HS2ST1: variants seen among roughly 807,000 people sequenced by gnomAD.
The protein encoded by HS2ST1 is heparan sulfate 2-O-sulfotransferase 1, also known as 2-O-sulfotransferase.
A neutral mutation model predicts 42.9 loss-of-function variants in HS2ST1; 18 were observed. That is an observed-to-expected ratio of 0.42 (90% CI 0.29 to 0.62). The LOEUF (loss-of-function observed/expected upper bound fraction) is 0.62. Ranked by LOEUF, HS2ST1 falls within the 20% of genes least tolerant of loss-of-function variation. The pLI, the probability that HS2ST1 is intolerant of heterozygous loss-of-function variation, is 0.21. For synonymous variants in HS2ST1, 146 were observed against 152.9 expected, an observed-to-expected ratio of 0.95 and a Z score of 0.33; for missense variants, 334 against 433.8, an observed-to-expected ratio of 0.77 and a Z score of 2.04.
intron 5 of HS2ST1, chr1:87,098,362 C>T: frequency 5.1e-6 from 5 of 976,830 alleles, no homozygotes; most frequent in Non-Finnish European, 6.1e-6. Context: ...TAAGAGAAGC[C>T]AAGGTTATGG....
rs1650985791 is a variant in HS2ST1, at chr1:87,056,930, T to G, written c.125-16004T>G. On this transcript the variant is annotated intron_variant, in intron 1 of 6. Coordinates refer to ENST00000370550, the MANE Select transcript of HS2ST1 (RefSeq NM_012262.4). Reference sequence around the variant, plus strand: ...GTTTTAGTGTAGAATTGAAAAAGAATATTTCCAATTATTTGAAAAGGCTAC... The same window carrying G: ...GTTTTAGTGTAGAATTGAAAAAGAAGATTTCCAATTATTTGAAAAGGCTAC... 2.0e-5 allele frequency among the ~76,000 whole-genome samples: 3 copies of G among 152,148 alleles called. No homozygotes were observed. The South Asian group carries it at 6.2e-4, about 32-fold the overall frequency.
At chr1:87,032,431 CT>C (rs1281942444) in intron 1 of HS2ST1, among the ~76,000 whole-genome samples, 1 of 152,114 alleles carries the variant, frequency 6.6e-6, no homozygotes, top group Non-Finnish European at 1.5e-5. Flanking sequence ...GAATATTATA[CT>C]GCTGATTTAA....
chr1:86,941,359 G>C (rs974459907), intron 1 of HS2ST1, among the ~76,000 whole-genome samples: 1 of 147,602 alleles, frequency 6.8e-6, no homozygotes, highest in Admixed American at 6.6e-5. Flanking sequence ...TTGGGGAGGG[G>C]CTGCCAGGTT....
At chr1:87,016,602 A>G (rs943111939) in intron 1 of HS2ST1, among the ~76,000 whole-genome samples, 7 of 152,190 alleles carry the variant, frequency 4.6e-5, no homozygotes, top group Non-Finnish European at 1.0e-4. Flanking sequence ...GTAACTGGTA[A>G]ATAAGGGAAT....
intron 1 of HS2ST1, 140 bp downstream of exon 1, chr1:86,915,300 G>A: frequency 1.1e-6 from 1 of 926,296 alleles, no homozygotes; most frequent in Non-Finnish European, 1.6e-6. Flanking sequence ...GGAACAAGGG[G>A]CAGCGAGAGC....
intron 1 of HS2ST1, chr1:87,045,931 G>T: frequency 1.4e-6 from 1 of 705,000 alleles, no homozygotes; most frequent in South Asian, 1.3e-5. Flanking sequence ...CGACCTGATT[G>T]ATCTGGTTAC....
intron 1 of HS2ST1, chr1:86,956,657 A>T (rs897477761): frequency 6.6e-6 from 1 of 151,878 alleles, no homozygotes; most frequent in Non-Finnish European, 1.5e-5. Flanking sequence ...TCCTACCTTG[A>T]TTTTATGTTA....
chr1:87,039,030 T>C (rs1263946487), intron 1 of HS2ST1, among the ~76,000 whole-genome samples: 1 of 152,130 alleles, frequency 6.6e-6, no homozygotes, highest in African/African-American at 2.4e-5. Flanking sequence ...AAAACAATCA[T>C]GAGCCAAATG....
chr1:87,058,975 C>T (rs889865360), intron 1 of HS2ST1, among the ~76,000 whole-genome samples: 4 of 152,030 alleles, frequency 2.6e-5, no homozygotes, highest in African/African-American at 9.7e-5. Flanking sequence ...AGGAGAATGG[C>T]GTGAACCCAG....
intron 1 of HS2ST1, among the ~76,000 whole-genome samples, chr1:87,003,709 C>CT (rs5775929): frequency 2.0e-5 from 3 of 151,508 alleles, no homozygotes; most frequent in African/African-American, 7.3e-5. Context: ...GATGTACAGA[C>CT]TTTTTTTTTT....
intron 1 of HS2ST1, among the ~76,000 whole-genome samples, chr1:87,029,037 AT>A (rs1448751332): frequency 1.1e-4 from 16 of 152,142 alleles, no homozygotes; most frequent in Non-Finnish European, 2.1e-4. Flanking sequence ...TTATCTTAAT[AT>A]TTTAATAAAT....
chr1:86,968,695 A>G (rs1218085267), intron 1 of HS2ST1, among the ~76,000 whole-genome samples: 4 of 152,034 alleles, frequency 2.6e-5, no homozygotes, highest in Non-Finnish European at 4.4e-5. Context: ...ATGAGCCAGC[A>G]CACCCAGCCT....
intron 1 of HS2ST1, among the ~76,000 whole-genome samples, chr1:86,994,390 C>T (rs747971593): frequency 9.9e-5 from 15 of 152,134 alleles, no homozygotes; most frequent in Non-Finnish European, 1.6e-4. Flanking sequence ...TGAAGTTTCT[C>T]TTAACTTCAT....
chr1:86,940,203 G>A (rs534559527), intron 1 of HS2ST1, among the ~76,000 whole-genome samples: 83 of 151,990 alleles, frequency 5.5e-4, no homozygotes, highest in African/African-American at 1.9e-3. Flanking sequence ...GAGATTCCCC[G>A]TCTCTACAAA....
At chr1:86,983,745 A>T (rs1648668589) in intron 1 of HS2ST1, among the ~76,000 whole-genome samples, 1 of 152,014 alleles carries the variant, frequency 6.6e-6, no homozygotes, top group Non-Finnish European at 1.5e-5. Context: ...ATTTAAAAAA[A>T]AAAAAAATTT....
intron 2 of HS2ST1, among the ~76,000 whole-genome samples, chr1:87,074,495 T>G (rs1436678061): frequency 6.6e-6 from 1 of 152,228 alleles, no homozygotes; most frequent in East Asian, 1.9e-4. Flanking sequence ...TTAATTTGTT[T>G]GTTCAGCATT....
At chr1:87,079,548 C>A (rs1651631910) in intron 2 of HS2ST1, among the ~76,000 whole-genome samples, 1 of 152,162 alleles carries the variant, frequency 6.6e-6, no homozygotes, top group Non-Finnish European at 1.5e-5. Flanking sequence ...AGAAGGTAAA[C>A]CTCAGTTCAG....
At chr1:86,973,103 G>T (rs1376947748) in intron 1 of HS2ST1, among the ~76,000 whole-genome samples, 2 of 152,100 alleles carry the variant, frequency 1.3e-5, no homozygotes, top group Non-Finnish European at 2.9e-5. Flanking sequence ...CCACTGTAAA[G>T]CTATCTTTCC....
intron 3 of HS2ST1, among the ~76,000 whole-genome samples, chr1:87,085,402 T>G (rs1392821640): frequency 6.6e-6 from 1 of 152,190 alleles, no homozygotes; most frequent in Non-Finnish European, 1.5e-5. Context: ...TTCAAACTGA[T>G]AATCTTAACT....
Sources: allele counts gnomAD v4.1 joint callset (sites outside exome capture counted in the v4.1 genomes callset), GRCh38; gene constraint gnomAD v4.1.1; transcripts MANE v1.5; gene names NCBI Gene and HGNC (gene_info 2026-07-23, HGNC 2026-07-21).